The following ADK variants were observed in gnomAD, a reference collection of about 807,000 sequenced individuals.
The protein encoded by ADK is adenosine kinase.
A neutral mutation model predicts 44.7 loss-of-function variants in ADK; 24 were observed. That is an observed-to-expected ratio of 0.54 (90% CI 0.39 to 0.76). The LOEUF (loss-of-function observed/expected upper bound fraction) is 0.76, where lower values mean the gene tolerates loss of function less well. Ranked by LOEUF, ADK falls within the 30% of genes least tolerant of loss-of-function variation. ADK has a pLI of 0.00. For missense variants in ADK, 321 were observed against 425.1 expected, an observed-to-expected ratio of 0.76 and a Z score of 2.15; for synonymous variants, 128 against 142.6, an observed-to-expected ratio of 0.90 and a Z score of 0.73.
intron 1 of ADK, among the ~76,000 whole-genome samples, chr10:74,197,460 A>T (rs977503872): frequency 6.6e-6 from 1 of 152,154 alleles, no homozygotes; most frequent in Non-Finnish European, 1.5e-5. Flanking sequence ...GCACTTTGGG[A>T]GGCCCAAGGC....
chr10:74,600,309 G>T, intron 8 of ADK, 70 bp from the exon 9 acceptor site: 1 of 942,970 alleles, frequency 1.1e-6, no homozygotes, highest in Non-Finnish European at 1.7e-6. Context: ...AAGCTAAATT[G>T]TTAATCTACT....
intron 3 of ADK, among the ~76,000 whole-genome samples, chr10:74,273,697 A>G (rs1846534663): frequency 6.6e-6 from 1 of 152,080 alleles, no homozygotes; most frequent in Non-Finnish European, 1.5e-5. Flanking sequence ...ACCTCAGGTG[A>G]TCCACCCGCC....
intron 9 of ADK, among the ~76,000 whole-genome samples, chr10:74,602,985 T>G (rs1321185147): frequency 6.6e-6 from 1 of 152,212 alleles, no homozygotes. Context: ...CGCCAGGCTC[T>G]GGGTGTCATG....
At chr10:74,348,697 C>T (rs1592081638) in intron 4 of ADK, among the ~76,000 whole-genome samples, 1 of 151,438 alleles carries the variant, frequency 6.6e-6, no homozygotes, top group African/African-American at 2.4e-5. Flanking sequence ...ACTAGAATAA[C>T]CAGTTTAGAG....
intron 9 of ADK, chr10:74,641,444 A>G (rs970058350): frequency 6.6e-6 from 1 of 152,226 alleles, no homozygotes; most frequent in Non-Finnish European, 1.5e-5. Context: ...ATCCCCATCT[A>G]TCTTGGGTTG....
At chr10:74,705,341 G>T (rs1243745831) in intron 10 of ADK, among the ~76,000 whole-genome samples, 2 of 152,228 alleles carry the variant, frequency 1.3e-5, no homozygotes, top group Non-Finnish European at 2.9e-5. Flanking sequence ...AGATTCTTCT[G>T]CTCTTGACCT....
intron 9 of ADK, chr10:74,655,055 CT>C: frequency 4.4e-6 from 1 of 228,080 alleles, no homozygotes. Context: ...ACTGGCACCC[CT>C]TCACCCCGGG....
intron 10 of ADK, among the ~76,000 whole-genome samples, chr10:74,692,180 A>C (rs963992149): frequency 6.6e-6 from 1 of 152,166 alleles, no homozygotes; most frequent in East Asian, 1.9e-4. Flanking sequence ...TCAGCCAACA[A>C]AAAGTAATGA....
chr10:74,426,247 C>T (rs936887632), intron 6 of ADK, among the ~76,000 whole-genome samples: 1 of 152,060 alleles, frequency 6.6e-6, no homozygotes, highest in Non-Finnish European at 1.5e-5. Context: ...AAATGCTGCA[C>T]ACATAGGAGT....
At chr10:74,392,342 C>T (rs1025884641) in intron 4 of ADK, among the ~76,000 whole-genome samples, 20 of 152,026 alleles carry the variant, frequency 1.3e-4, no homozygotes, top group East Asian at 1.9e-4. Flanking sequence ...TCTGTGTTTT[C>T]GGTAGTAACC....
chr10:74,657,906 T>C (rs1854549295), intron 9 of ADK, among the ~76,000 whole-genome samples: 1 of 152,214 alleles, frequency 6.6e-6, no homozygotes, highest in Non-Finnish European at 1.5e-5. Flanking sequence ...CCAAGGACTA[T>C]AGCCAAGAAG....
At chr10:74,570,064 G>T (rs1321229480) in intron 7 of ADK, among the ~76,000 whole-genome samples, 1 of 152,030 alleles carries the variant, frequency 6.6e-6, no homozygotes. Context: ...TGTCAGGTTT[G>T]TCAAAGATCA....
At chr10:74,394,395 AT>A in intron 5 of ADK, 82 bp downstream of exon 5, 1 of 1,346,028 alleles carries the variant, frequency 7.4e-7, no homozygotes, top group Non-Finnish European at 1.1e-6. Flanking sequence ...TGAATTTGGA[AT>A]TTTGACTTTA....
chr10:74,176,944 G>T, intron 1 of ADK: 2 of 1,601,466 alleles, frequency 1.2e-6, no homozygotes, highest in Non-Finnish European at 1.7e-6. Flanking sequence ...TCCCGAGCGC[G>T]TGAGCACTGT....
chr10:74,152,994 TATTA>T (rs1841651376), intron 1 of ADK, among the ~76,000 whole-genome samples: 1 of 152,212 alleles, frequency 6.6e-6, no homozygotes, highest in Non-Finnish European at 1.5e-5. Flanking sequence ...ACTTTTATTA[TATTA>T]ATTTGCTTTC....
intron 3 of ADK, among the ~76,000 whole-genome samples, chr10:74,233,529 C>T (rs775757309): frequency 2.6e-5 from 4 of 152,174 alleles, no homozygotes; most frequent in African/African-American, 4.8e-5. Flanking sequence ...GCTTCAATTG[C>T]ATCCCCTAAA....
chr10:74,358,251 A>C (rs1266348895), intron 4 of ADK, among the ~76,000 whole-genome samples: 1 of 152,206 alleles, frequency 6.6e-6, no homozygotes, highest in Non-Finnish European at 1.5e-5. Flanking sequence ...AGCATTTTTG[A>C]TATTATTACC....
rs76180369 is a variant in ADK, at chr10:74,411,657, G to C, written c.555+13078G>C. Reference sequence around the variant, plus strand: ...TGATGGCTGCTGACTGCTCAGAGTGGTGGCTTCTGAAGGTTGGGGTAGCTG... The same window carrying C: ...TGATGGCTGCTGACTGCTCAGAGTGCTGGCTTCTGAAGGTTGGGGTAGCTG... On this transcript the variant is annotated intron_variant, in intron 6 of 10. Transcript: ENST00000539909. 0.01 allele frequency among the ~76,000 whole-genome samples: 1,532 copies of C among 152,286 alleles called. 107 individuals are homozygous for C. The East Asian group carries it at 0.16, about 16-fold the overall frequency.
intron 1 of ADK, among the ~76,000 whole-genome samples, chr10:74,196,223 A>G (rs887736096): frequency 1.3e-5 from 2 of 151,916 alleles, no homozygotes; most frequent in African/African-American, 2.4e-5. Flanking sequence ...TCTATGTTGC[A>G]TACGTTCTCC....
Sources: allele counts gnomAD v4.1 joint callset (sites outside exome capture counted in the v4.1 genomes callset), GRCh38; gene constraint gnomAD v4.1.1; transcripts MANE v1.5; gene names NCBI Gene and HGNC (gene_info 2026-07-23, HGNC 2026-07-21).